Variants in GLRA1 observed in about 807,000 individuals in gnomAD.
The protein encoded by GLRA1 is glycine receptor alpha 1.
A neutral mutation model predicts 48.3 loss-of-function variants in GLRA1; 37 were observed. That is an observed-to-expected ratio of 0.77 (90% CI 0.59 to 1.01). The LOEUF (loss-of-function observed/expected upper bound fraction) is 1.01, where lower values mean the gene tolerates loss of function less well. GLRA1 is among the 50% of genes least tolerant of loss of function. GLRA1 has a pLI of 0.00. For synonymous variants in GLRA1, 196 were observed against 210.7 expected (o/e 0.93, Z 0.60); for missense variants, 427 against 571.0 (o/e 0.75, Z 2.57).
intron 3 of GLRA1, among the ~76,000 whole-genome samples, chr5:151,867,344 C>G (rs1753364116): frequency 6.6e-6 from 1 of 152,064 alleles, no homozygotes; most frequent in Admixed American, 6.5e-5. Context: ...GCGATATGCT[C>G]TAAGCCTATA....
intron 3 of GLRA1, among the ~76,000 whole-genome samples, chr5:151,864,398 G>A (rs999075928): frequency 6.6e-6 from 1 of 152,220 alleles, no homozygotes; most frequent in African/African-American, 2.4e-5. Context: ...ATCCCTGCAA[G>A]CTAGACATTC....
chr5:151,841,124 A>G (rs1763703823), intron 7 of GLRA1, among the ~76,000 whole-genome samples: 1 of 152,140 alleles, frequency 6.6e-6, no homozygotes, highest in South Asian at 2.1e-4. Flanking sequence ...AAACCATACT[A>G]TTATGCATAA....
intron 2 of GLRA1, among the ~76,000 whole-genome samples, chr5:151,891,006 G>A (rs1025952405): frequency 1.6e-4 from 24 of 152,200 alleles, no homozygotes; most frequent in African/African-American, 5.5e-4. Flanking sequence ...TCTGAGAAGG[G>A]GACTTGAGAG....
At chr5:151,918,823 C>T (rs1227577567) in intron 1 of GLRA1, among the ~76,000 whole-genome samples, 1 of 152,010 alleles carries the variant, frequency 6.6e-6, no homozygotes, top group Non-Finnish European at 1.5e-5. Context: ...TGAGGCAGCC[C>T]ACAGTATCAT....
intron 7 of GLRA1, among the ~76,000 whole-genome samples, chr5:151,832,709 A>G (rs1479423036): frequency 2.9e-4 from 44 of 152,238 alleles, no homozygotes; most frequent in Admixed American, 2.9e-3. Flanking sequence ...GAATGGAACC[A>G]AGTTGAAAAC....
At chr5:151,894,908 C>T (rs1754192375) in intron 1 of GLRA1, among the ~76,000 whole-genome samples, 1 of 152,162 alleles carries the variant, frequency 6.6e-6, no homozygotes, top group Non-Finnish European at 1.5e-5. Flanking sequence ...ACTATTTAGA[C>T]ACTGTTGCTT....
At chr5:151,829,883 C>A (rs528604044) in intron 7 of GLRA1, among the ~76,000 whole-genome samples, 2 of 152,134 alleles carry the variant, frequency 1.3e-5, no homozygotes, top group Non-Finnish European at 2.9e-5. Context: ...TCATTCACAT[C>A]GTAACATGTA....
chr5:151,914,250 G>T (rs1239605364), intron 1 of GLRA1, among the ~76,000 whole-genome samples: 1 of 152,214 alleles, frequency 6.6e-6, no homozygotes, highest in Admixed American at 6.5e-5. Context: ...AGACAGCATT[G>T]CCTGAGTTTC....
chr5:151,833,910 C>A (rs1763496414), intron 7 of GLRA1, among the ~76,000 whole-genome samples: 2 of 151,028 alleles, frequency 1.3e-5, no homozygotes, highest in African/African-American at 4.9e-5. Context: ...GTAAAGGGAT[C>A]AATGCAACAA....
chr5:151,891,309 G>GT (rs1297782320), intron 2 of GLRA1, among the ~76,000 whole-genome samples: 2 of 152,208 alleles, frequency 1.3e-5, no homozygotes, highest in Non-Finnish European at 1.5e-5. Flanking sequence ...TAGTCTCTTG[G>GT]TTATAGACAC....
intron 1 of GLRA1, among the ~76,000 whole-genome samples, chr5:151,912,260 C>CTTTT (rs1448854304): frequency 1.1e-5 from 1 of 88,812 alleles, no homozygotes; most frequent in East Asian, 3.5e-4. Context: ...CCTGTGAAGA[C>CTTTT]TGTTTTTTTT....
At chr5:151,891,495 T>C (rs1754068008) in intron 2 of GLRA1, among the ~76,000 whole-genome samples, 1 of 152,150 alleles carries the variant, frequency 6.6e-6, no homozygotes, top group Non-Finnish European at 1.5e-5. Flanking sequence ...CTTCTTGGAA[T>C]ACTTGATGCT....
intron 3 of GLRA1, among the ~76,000 whole-genome samples, chr5:151,869,753 C>A (rs1343994227): frequency 6.7e-6 from 1 of 149,002 alleles, no homozygotes; most frequent in African/African-American, 2.6e-5. Flanking sequence ...ACAACAACAA[C>A]AAAAAAAACC....
At chr5:151,831,372 C>G (rs916251385) in intron 7 of GLRA1, among the ~76,000 whole-genome samples, 6 of 152,242 alleles carry the variant, frequency 3.9e-5, no homozygotes, top group African/African-American at 1.2e-4. Context: ...CCCATCCCCA[C>G]GGAGCCCAGC....
intron 8 of GLRA1, among the ~76,000 whole-genome samples, chr5:151,826,999 T>TA (rs1763287510): frequency 1.3e-5 from 2 of 151,160 alleles, no homozygotes; most frequent in Non-Finnish European, 2.9e-5. Context: ...TAGAGATACT[T>TA]ACGTTTGGTC....
chr5:151,893,880 T>G (rs572325086), intron 1 of GLRA1, among the ~76,000 whole-genome samples: 7 of 152,206 alleles, frequency 4.6e-5, no homozygotes, highest in Non-Finnish European at 7.3e-5. Flanking sequence ...TATTCAGTAA[T>G]GGGATTGCTG....
At chr5:151,894,298 A>G (rs1754176395) in intron 1 of GLRA1, among the ~76,000 whole-genome samples, 1 of 152,200 alleles carries the variant, frequency 6.6e-6, no homozygotes, top group Admixed American at 6.5e-5. Flanking sequence ...CAATCAGTTA[A>G]TAATGGATGA....
chr5:151,897,357 T>C (rs1312162461), intron 1 of GLRA1, among the ~76,000 whole-genome samples: 1 of 152,212 alleles, frequency 6.6e-6, no homozygotes, highest in Non-Finnish European at 1.5e-5. Context: ...TTATAGACCA[T>C]GAGCTGCTGG....
In GLRA1 at chr5:151,829,026, G is replaced by A. The variant is rs765756941; in HGVS notation, c.954C>T (p.Cys318=). The part of the protein sequence containing the change: ...VKAIDIWMAV[C]LLFVFSALLE... Reference sequence around the variant, plus strand: ...ATAGGGCTGAGAACACAAAGAGCAGGCAAACTGCCATCCAAATGTCAATGG... The same window carrying A: ...ATAGGGCTGAGAACACAAAGAGCAGACAAACTGCCATCCAAATGTCAATGG... The change falls in exon 8 of 9, where the codon TGC becomes TGT. Residue 318 remains cysteine, a synonymous_variant. Transcript: ENST00000274576. 1 of 1,614,118 alleles carries A rather than the reference G, an allele frequency of 6.2e-7. No homozygotes were observed. The highest frequency in any genetic ancestry group is 8.5e-7 in the Non-Finnish European group (1 of 1,179,956).
Sources: gnomAD v4.1 joint callset for allele counts (sites outside exome capture counted in the v4.1 genomes callset) on GRCh38, gnomAD v4.1.1 for gene constraint, MANE v1.5 for transcripts, NCBI Gene and HGNC (gene_info 2026-07-23, HGNC 2026-07-21) for gene names.